CNTNAP2: variants seen among roughly 807,000 people sequenced by gnomAD.
The protein encoded by CNTNAP2 is contactin associated protein 2, also known as contactin-associated protein-like 2.
Under a neutral mutation model 155.2 loss-of-function variants are expected in CNTNAP2, and 98 were observed. The ratio of observed to expected loss-of-function variants is 0.63; its 90% CI spans 0.54 to 0.75. The LOEUF is 0.75. Among genes scored for constraint, CNTNAP2 ranks in the 30% least tolerant of loss-of-function variants. The pLI, the probability that CNTNAP2 is intolerant of heterozygous loss-of-function variation, is 0.00. For missense variants in CNTNAP2, 1,727 were observed against 1,688.1 expected (o/e 1.02, Z -0.40); for synonymous variants, 651 against 631.2 (o/e 1.03, Z -0.47).
chr7:146,398,184 CTTTTTT>C lies in CNTNAP2; in HGVS notation c.97+281228_97+281233del, dbSNP rs34144986. Among the ~76,000 whole-genome samples, 873 of 107,024 alleles carry C rather than the reference CTTTTTT, an allele frequency of 8.2e-3. 12 individuals are homozygous for C. Among genetic ancestry groups the C allele is most frequent in the African/African-American group, 0.034 (824 of 24,390 alleles). The allele number at this position is 107,024 out of a possible 152,430, so 70.2% of individuals were successfully genotyped here. The stretch of plus-strand genomic sequence containing the variant: ...GTGAGCACCTATACCCGGCCCCAAA[CTTTTTT>C]TTTTTTTTTTTTTTTTAGCATATCA... On this transcript the variant is annotated intron_variant, in intron 1 of 23. Transcript: ENST00000361727.
intron 15 of CNTNAP2, among the ~76,000 whole-genome samples, chr7:148,072,990 G>A (rs549713577): frequency 1.9e-4 from 29 of 152,256 alleles, no homozygotes; most frequent in African/African-American, 7.0e-4. Flanking sequence ...TTACAGGTGT[G>A]AGCCACCGTG....
rs1238408593 is a variant in CNTNAP2 at position 148,328,279 on chromosome 7, G to A, written c.3476-55370G>A. ...TGGAGCTTGTTGGCCCGGGAAAGCT[G>A]GAGGAGGGCTGCCTGACACAGGAGG... is the stretch of plus-strand genomic sequence containing the variant. On this transcript the variant is annotated intron_variant, in intron 21 of 23. Coordinates refer to ENST00000361727, the MANE Select transcript of CNTNAP2 (RefSeq NM_014141.6). Among the ~76,000 whole-genome samples the A allele has an allele frequency of 3.9e-5, 6 of 152,258 alleles. No homozygotes were observed. The East Asian group carries it at 1.2e-3, about 30-fold the overall frequency.
At chr7:147,862,732 G>A (rs558685846) in intron 13 of CNTNAP2, among the ~76,000 whole-genome samples, 2 of 152,082 alleles carry the variant, frequency 1.3e-5, no homozygotes, top group African/African-American at 4.8e-5. Flanking sequence ...ATGATAAAAG[G>A]AAGTGAACTT....
intron 4 of CNTNAP2, among the ~76,000 whole-genome samples, chr7:147,050,185 G>A (rs1453041972): frequency 2.0e-5 from 3 of 152,174 alleles, no homozygotes; most frequent in African/African-American, 7.2e-5. Flanking sequence ...CCACAGCGCA[G>A]ACACTAATCT....
At position 146,442,556 on chromosome 7, in the gene CNTNAP2, ACT is replaced by A. The variant is rs544054375; in HGVS notation, c.97+325586_97+325587del. On this transcript the variant is annotated intron_variant, in intron 1 of 23. Transcript: ENST00000361727. ...ATCAAAAAAACTCAGTAGGTCAAAA[ACT>A]CTGTGTTGAATTGGTACCTCTTGAA... Among the ~76,000 whole-genome samples, 201 of 151,926 alleles carry A rather than the reference ACT, an allele frequency of 1.3e-3. 6 individuals are homozygous for A. In the South Asian group the frequency reaches 0.035, roughly 26 times the overall value.
At chr7:147,092,760 T>C (rs903732414) in intron 4 of CNTNAP2, among the ~76,000 whole-genome samples, 1 of 152,210 alleles carries the variant, frequency 6.6e-6, no homozygotes, top group African/African-American at 2.4e-5. Context: ...CATACCTCTG[T>C]ACTACAAAAA....
At chr7:147,633,806 G>C (rs964614498) in intron 12 of CNTNAP2, among the ~76,000 whole-genome samples, 4 of 152,094 alleles carry the variant, frequency 2.6e-5, no homozygotes, top group Non-Finnish European at 5.9e-5. Context: ...GTTTCCTGAG[G>C]CCTCCCCAGC....
intron 13 of CNTNAP2, among the ~76,000 whole-genome samples, chr7:147,737,456 G>A (rs1041965097): frequency 6.6e-6 from 1 of 152,268 alleles, no homozygotes; most frequent in Admixed American, 6.5e-5. Flanking sequence ...TCCCAGTTTG[G>A]CTACTCCTGG....
chr7:147,157,905 TATC>T, intron 8 of CNTNAP2, among the ~76,000 whole-genome samples: 1 of 152,128 alleles, frequency 6.6e-6, no homozygotes, highest in East Asian at 1.9e-4. Context: ...ATGTTTTTAT[TATC>T]AGTAATTCAA....
At chr7:147,348,074 G>T (rs1162380818) in intron 9 of CNTNAP2, among the ~76,000 whole-genome samples, 1 of 152,004 alleles carries the variant, frequency 6.6e-6, no homozygotes, top group African/African-American at 2.4e-5. Flanking sequence ...AAAACTGCTA[G>T]AAGAAGACAT....
chr7:147,827,694 C>G (rs1252612685), intron 13 of CNTNAP2, among the ~76,000 whole-genome samples: 1 of 152,008 alleles, frequency 6.6e-6, no homozygotes, highest in Non-Finnish European at 1.5e-5. Context: ...AAATAGATAG[C>G]TCCTGTAGTG....
intron 13 of CNTNAP2, among the ~76,000 whole-genome samples, chr7:147,688,777 T>C (rs1796050144): frequency 1.3e-5 from 2 of 152,150 alleles, no homozygotes. Context: ...AGGTCCACCT[T>C]ACAAGAATTT....
rs561236514 is a variant in CNTNAP2 at position 146,146,358 on chromosome 7, C to T, written c.97+29385C>T. Among the ~76,000 whole-genome samples the T allele has an allele frequency of 2.8e-4, 43 of 151,898 alleles. No homozygotes were observed. The South Asian group carries it at 8.1e-3, about 29-fold the overall frequency. On this transcript the variant is annotated intron_variant, in intron 1 of 23. Transcript: ENST00000361727. ...ACTAAGGCCATAGAATATTTATGTC[C>T]CCAGCCATAGGAAGTTCGCCATTTA... is the stretch of plus-strand genomic sequence containing the variant.
chr7:146,767,654 G>A (rs966456523), intron 1 of CNTNAP2, among the ~76,000 whole-genome samples: 5 of 152,166 alleles, frequency 3.3e-5, no homozygotes, highest in African/African-American at 9.6e-5. Context: ...TATGGTATAA[G>A]TGAAGATATA....
chr7:148,160,576 C>G (rs916579810), intron 17 of CNTNAP2, among the ~76,000 whole-genome samples: 21 of 152,030 alleles, frequency 1.4e-4, no homozygotes, highest in African/African-American at 4.8e-4. Context: ...TTTAAAAATC[C>G]ATTTGGACCA....
chr7:147,108,376 CT>C, intron 5 of CNTNAP2, 26 bp downstream of exon 5: 6 of 1,588,762 alleles, frequency 3.8e-6, no homozygotes, highest in Non-Finnish European at 5.2e-6. Context: ...CAGTTCTATT[CT>C]TTCCGTTATG....
chr7:148,293,083 T>A (rs201125800), intron 21 of CNTNAP2, among the ~76,000 whole-genome samples: 3 of 150,330 alleles, frequency 2.0e-5, no homozygotes, highest in Admixed American at 6.6e-5. Flanking sequence ...ATAAATAAAA[T>A]AAAATAAAAT....
At chr7:147,287,895 C>T (rs115418591) in intron 8 of CNTNAP2, among the ~76,000 whole-genome samples, 1,641 of 152,222 alleles carry the variant, frequency 0.011, 30 homozygotes, top group African/African-American at 0.037. Context: ...TGCTAACCTC[C>T]GTCCAAACTT....
Position 147,186,228 on chromosome 7 carries a change from G to A in CNTNAP2, c.1348+53719G>A, listed in dbSNP as rs1802563086. ...ATGCTTACACTAAATTCTCTTGTTGGGTCATAGACTCAAGAGGATTTGTTT... is the reference window on the plus strand; with the variant it reads ...ATGCTTACACTAAATTCTCTTGTTGAGTCATAGACTCAAGAGGATTTGTTT... On this transcript the variant is annotated intron_variant, in intron 8 of 23. Coordinates refer to ENST00000361727, the MANE Select transcript of CNTNAP2 (RefSeq NM_014141.6). Among the ~76,000 whole-genome samples the A allele has an allele frequency of 2.0e-5, 3 of 152,018 alleles. No individual in the cohort carries two copies. In the South Asian group the frequency reaches 6.2e-4, roughly 32 times the overall value.
Sources: allele counts gnomAD v4.1 joint callset (sites outside exome capture counted in the v4.1 genomes callset), GRCh38; gene constraint gnomAD v4.1.1; transcripts MANE v1.5; gene names NCBI Gene and HGNC (gene_info 2026-07-23, HGNC 2026-07-21).